Variants in SMG1 observed in about 807,000 individuals in gnomAD.
The protein encoded by SMG1 is SMG1 nonsense mediated mRNA decay associated PI3K related kinase.
In SMG1, 22 loss-of-function variants were observed where a neutral mutation model predicts 419.9. The ratio of observed to expected loss-of-function variants is 0.05; its 90% CI spans 0.04 to 0.07. The LOEUF (loss-of-function observed/expected upper bound fraction) is 0.07, where lower values mean the gene tolerates loss of function less well. Ranked by LOEUF, SMG1 falls within the 10% of genes least tolerant of loss-of-function variation. The pLI is 1.00. For missense variants in SMG1, 3,185 were observed against 4,342.0 expected, an observed-to-expected ratio of 0.73 and a Z score of 7.49; for synonymous variants, 1,538 against 1,553.5, an observed-to-expected ratio of 0.99 and a Z score of 0.23.
At chr16:18,887,396 G>T (rs2036656404) in intron 6 of SMG1, among the ~76,000 whole-genome samples, 1 of 151,698 alleles carries the variant, frequency 6.6e-6, no homozygotes, top group Non-Finnish European at 1.5e-5. Flanking sequence ...ATGGAGTGCA[G>T]TAGCTTGACC....
chr16:18,869,014 T>C (rs1164045734), intron 20 of SMG1, 90 bp downstream of exon 20: 4 of 1,174,932 alleles, frequency 3.4e-6, no homozygotes, highest in Non-Finnish European at 4.9e-6. Context: ...AAAAATCATA[T>C]ACTCTCAAAT....
chr16:18,822,503 T>TA (rs2032630095), intron 55 of SMG1, among the ~76,000 whole-genome samples: 1 of 40,288 alleles, frequency 2.5e-5, no homozygotes, highest in Non-Finnish European at 5.3e-5. Context: ...CACCATTTAT[T>TA]AAATAGGGAA....
Position 18,834,200 on chromosome 16 carries a change from TC to T in SMG1, c.8565+3del. Reference sequence around the variant, plus strand: ...AAACTAATATTTAAAATAAAAGTGTTCACCTGAAGTGAGGTATACACTCCAT... The same window carrying T: ...AAACTAATATTTAAAATAAAAGTGTTACCTGAAGTGAGGTATACACTCCAT... On this transcript the variant is annotated splice_donor_region_variant and intron_variant, in intron 50 of 62. Coordinates refer to ENST00000446231, the MANE Select transcript of SMG1 (RefSeq NM_015092.5). 1 of 1,557,550 alleles carries T rather than the reference TC, an allele frequency of 6.4e-7. No individual in the cohort carries two copies. The highest frequency in any genetic ancestry group is 8.7e-7 in the Non-Finnish European group (1 of 1,144,472).
intron 22 of SMG1, among the ~76,000 whole-genome samples, chr16:18,867,482 C>T (rs2035576170): frequency 6.6e-6 from 1 of 151,456 alleles, no homozygotes; most frequent in African/African-American, 2.4e-5. Context: ...CGAGATCGCA[C>T]AACTGCACTC....
At position 18,839,761 on chromosome 16, in the gene SMG1, A is replaced by C; in HGVS notation, c.6882T>G (p.Asn2294Lys). ...ATGACCAGAGCTCTTTGGCAAGGAG[A>C]TTCGGGGGTGTGGCCTCCATTAACT... is the stretch of plus-strand genomic sequence containing the variant. ...LEELMEATPP[N>K]LLAKELWSSC... The change falls in exon 42 of 63, where the codon AAT becomes AAG. Residue 2294 changes from asparagine (N) to lysine (K), a missense_variant. This residue lies in a region of SMG1 where 132 missense variants were observed against 151.0 expected (regional missense o/e 0.87). Coordinates refer to ENST00000446231, the MANE Select transcript of SMG1 (RefSeq NM_015092.5). 2 of 1,613,992 alleles carry C rather than the reference A, an allele frequency of 1.2e-6. No homozygotes were observed. Among genetic ancestry groups the C allele is most frequent in the Non-Finnish European group, 1.7e-6 (2 of 1,179,892 alleles).
At position 18,870,992 on chromosome 16, in the gene SMG1, T is replaced by G. The variant is rs554145501; in HGVS notation, c.2303-104A>C. The G allele has an allele frequency of 4.3e-6, 3 of 693,318 alleles. No individual in the cohort carries two copies. In the South Asian group the frequency reaches 5.4e-5, roughly 13 times the overall value. 42.9% of individuals were successfully genotyped at this position (693,318 alleles called of 1,614,324 possible). On this transcript the variant is annotated intron_variant, in intron 16 of 62. Transcript: ENST00000446231. ...ATTCATTCATTCAACAAAGAGTGAG[T>G]GCCTACTATAGACTAGGCACTACTC...
chr16:18,866,231 C>G (rs2035496244), intron 23 of SMG1: 1 of 243,466 alleles, frequency 4.1e-6, no homozygotes, highest in Admixed American at 5.2e-5. Context: ...TATTATGGTA[C>G]AAGCTCCTCT....
At chr16:18,866,796 A>C (rs1387716275) in intron 22 of SMG1, 21 bp from the exon 23 acceptor site, 1 of 1,595,134 alleles carries the variant, frequency 6.3e-7, no homozygotes, top group Non-Finnish European at 8.5e-7. Context: ...ATTCAGAAAA[A>C]TTAGTCACCC....
intron 3 of SMG1, among the ~76,000 whole-genome samples, chr16:18,895,713 T>A (rs1424107876): frequency 6.6e-6 from 1 of 150,754 alleles, no homozygotes; most frequent in African/African-American, 2.4e-5. Context: ...GACAGAAAAG[T>A]ACCCCCTCTC....
chr16:18,834,135 G>T (rs2141243652), intron 50 of SMG1, 69 bp downstream of exon 50: 1 of 1,179,794 alleles, frequency 8.5e-7, no homozygotes, highest in East Asian at 2.6e-5. Flanking sequence ...TGCTTTCCTG[G>T]GTTAAAGAGA....
rs1230614423 is a variant in SMG1 at position 18,838,649 on chromosome 16, T to G, written c.6986A>C (p.Tyr2329Ser). The G allele has an allele frequency of 6.2e-7, 1 of 1,612,974 alleles. No homozygotes were observed. Among genetic ancestry groups the G allele is most frequent in the Non-Finnish European group, 8.5e-7 (1 of 1,179,506 alleles). ...ATGTCTGTCTCCAAGGCCAATTATG[T>G]ATCCAACCATAGACATGACTGCAGT... ...RSTAVMSMVG[Y>S]IIGLGDRHLD... Residue 2329 changes from tyrosine (Y) to serine (S), a missense_variant, in exon 43 of 63, where the codon TAC (tyrosine) becomes TCC (serine). By Grantham distance (144) the Tyr-to-Ser change is moderately radical. Transcript: ENST00000446231.
chr16:18,819,629 C>A lies in SMG1; in HGVS notation c.9767G>T (p.Ser3256Ile). Residue 3256 changes from serine (S) to isoleucine (I), a missense_variant, in exon 56 of 63, where the codon AGT becomes ATT. Coordinates refer to ENST00000446231, the MANE Select transcript of SMG1 (RefSeq NM_015092.5). ...VQEKLAALES[S>I]IEQRLKWAGG... ...TGCCCACTTGAGTCGCTGTTCAATA[C>A]TTGATTCAAGTGCAGCTAGCTTCTC... The A allele has an allele frequency of 6.3e-7, 1 of 1,583,104 alleles. No individual in the cohort carries two copies. Among genetic ancestry groups the A allele is most frequent in the Non-Finnish European group, 8.6e-7 (1 of 1,164,190 alleles).
At chr16:18,815,104 T>G in intron 60 of SMG1, 71 bp downstream of exon 60, 4 of 945,336 alleles carry the variant, frequency 4.2e-6, no homozygotes, top group Non-Finnish European at 5.0e-6. Context: ...TAGACAGTTA[T>G]GTATAATTAA....
rs371203034 is a variant in SMG1 at position 18,845,597 on chromosome 16, G to C, written c.6051C>G (p.Ile2017Met). 6.2e-7 allele frequency: 1 copy of C among 1,613,304 alleles called. No individual in the cohort carries two copies. The highest frequency in any genetic ancestry group is 2.2e-5 in the East Asian group (1 of 44,878). The part of the protein sequence containing the change: ...REKHTALMKP[I>M]VFALEHVRSI... ...TCCTCACATGCTCCAAAGCAAATAC[G>C]ATGGGCTTCATCAAAGCTGTGTGCT... is the stretch of plus-strand genomic sequence containing the variant. Residue 2017 changes from isoleucine (I) to methionine (M), a missense_variant, in exon 39 of 63, where the codon ATC becomes ATG. Physicochemically the swap from Ile to Met is conservative, Grantham distance 10. Around this residue, in one of 27 missense-constraint regions of SMG1, gnomAD observed 159 missense variants for 196.0 expected, o/e 0.81. Coordinates refer to ENST00000446231, the MANE Select transcript of SMG1 (RefSeq NM_015092.5).
intron 3 of SMG1, among the ~76,000 whole-genome samples, chr16:18,893,607 G>A (rs1433191071): frequency 4.6e-5 from 7 of 151,896 alleles, no homozygotes; most frequent in South Asian, 2.1e-4. Flanking sequence ...GTGACAGAGC[G>A]AGACTGTCTC....
In SMG1 at chr16:18,852,467, C is replaced by G. The variant is rs766873804; in HGVS notation, c.4769-5G>C. The G allele has an allele frequency of 6.0e-6, 9 of 1,511,146 alleles. No individual in the cohort carries two copies. In the South Asian group the frequency reaches 1.2e-4, roughly 20 times the overall value. The allele number at this position is 1,511,146 out of a possible 1,614,324, so 93.6% of individuals were successfully genotyped here. A position where few individuals can be genotyped will look rare whatever the true frequency, so the allele number is the denominator to read the frequency against. ...GTTCTCCAACTCCAATATGCACTGC[C>G]AAAATGGACAAAAAAATAATTATAA... On this transcript the variant is annotated splice_polypyrimidine_tract_variant and splice_region_variant and intron_variant, in intron 31 of 62. Transcript: ENST00000446231.
rs1296668254 is a variant in SMG1 at position 18,858,162 on chromosome 16, C to T, written c.4234+8G>A. The T allele has an allele frequency of 3.9e-6, 6 of 1,530,158 alleles. No individual in the cohort carries two copies. The highest frequency in any genetic ancestry group is 1.4e-5 in the African/African-American group (1 of 71,308). 94.8% of individuals were successfully genotyped at this position (1,530,158 alleles called of 1,614,324 possible). A position where few individuals can be genotyped will look rare whatever the true frequency, so the allele number is the denominator to read the frequency against. ...AATTTTCTCTTACAAGAAAAAAAAA[C>T]CACTTACCTTTAATTTTCTCCAACA... On this transcript the variant is annotated splice_region_variant and intron_variant, in intron 29 of 62. Coordinates refer to ENST00000446231, the MANE Select transcript of SMG1 (RefSeq NM_015092.5).
chr16:18,833,190 TTTTA>T lies in SMG1; in HGVS notation c.8566-28_8566-25del, dbSNP rs1338784699. Reference sequence around the variant, plus strand: ...TCCTATAAATATATGAGAAAAAAACTTTTAATGTTTTTTGAGTTTAGCTAAGTTA... The same window carrying T: ...TCCTATAAATATATGAGAAAAAAACTATGTTTTTTGAGTTTAGCTAAGTTA... On this transcript the variant is annotated intron_variant, in intron 50 of 62. Coordinates refer to ENST00000446231, the MANE Select transcript of SMG1 (RefSeq NM_015092.5). The T allele has an allele frequency of 3.2e-6, 5 of 1,581,582 alleles. No homozygotes were observed. In the South Asian group the frequency reaches 5.6e-5, roughly 18 times the overall value.
intron 3 of SMG1, among the ~76,000 whole-genome samples, chr16:18,894,708 A>C (rs1267153492): frequency 6.6e-6 from 1 of 150,930 alleles, no homozygotes; most frequent in African/African-American, 2.4e-5. Flanking sequence ...GTCAAAAACT[A>C]AATGTCCAAA....
Sources: gnomAD v4.1 joint callset for allele counts (sites outside exome capture counted in the v4.1 genomes callset) on GRCh38, gnomAD v4.1.1 for gene constraint, gnomAD v4.1.1 regional missense constraint, MANE v1.5 for transcripts, NCBI Gene and HGNC (gene_info 2026-07-23, HGNC 2026-07-21) for gene names.